TRIO: variants seen among roughly 807,000 people sequenced by gnomAD.
The protein encoded by TRIO is trio Rho guanine nucleotide exchange factor.
TRIO carries 58 observed loss-of-function variants against 351.9 expected under a neutral mutation model. The ratio of observed to expected loss-of-function variants is 0.16; its 90% CI spans 0.13 to 0.21. TRIO has a LOEUF of 0.21. Among genes scored for constraint, TRIO ranks in the 10% least tolerant of loss-of-function variants. The probability of loss-of-function intolerance (pLI) is 1.00; values close to 1 mark genes in which losing one functional copy is unlikely to be tolerated. For synonymous variants in TRIO, 1,758 were observed against 1,595.7 expected, an observed-to-expected ratio of 1.10 and a Z score of -2.42; for missense variants, 3,201 against 4,027.8, an observed-to-expected ratio of 0.79 and a Z score of 5.56.
chr5:14,198,532 AC>A (rs1248040724), intron 1 of TRIO, among the ~76,000 whole-genome samples: 3 of 152,210 alleles, frequency 2.0e-5, no homozygotes, highest in South Asian at 2.1e-4. Context: ...CAACAAGAAA[AC>A]CTTAATATGG....
intron 34 of TRIO, among the ~76,000 whole-genome samples, chr5:14,430,085 G>A (rs1365163647): frequency 2.0e-5 from 3 of 152,014 alleles, no homozygotes; most frequent in Non-Finnish European, 4.4e-5. Flanking sequence ...CCATGTGCAG[G>A]TGTGTCTGGA....
At chr5:14,455,572 T>G (rs1214983960) in intron 34 of TRIO, among the ~76,000 whole-genome samples, 1 of 148,654 alleles carries the variant, frequency 6.7e-6, no homozygotes, top group African/African-American at 2.6e-5. Context: ...CCCACTAGAT[T>G]AGCTAGACAC....
intron 32 of TRIO, 50 bp downstream of exon 32, chr5:14,406,040 G>C: frequency 1.9e-6 from 3 of 1,595,408 alleles, no homozygotes; most frequent in Non-Finnish European, 2.6e-6. Context: ...AGGGAGGGGC[G>C]AGGCGGTGTT....
intron 33 of TRIO, among the ~76,000 whole-genome samples, chr5:14,418,992 A>G (rs1007768889): frequency 1.3e-5 from 2 of 152,134 alleles, no homozygotes; most frequent in African/African-American, 2.4e-5. Flanking sequence ...TAGAGAGTTT[A>G]TGGATGAGCT....
At chr5:14,301,867 C>A (rs1424304214) in intron 7 of TRIO, among the ~76,000 whole-genome samples, 2 of 152,108 alleles carry the variant, frequency 1.3e-5, no homozygotes, top group Non-Finnish European at 2.9e-5. Flanking sequence ...TCTGTGGAGT[C>A]TAGGGTTGTG....
At chr5:14,260,788 G>T (rs1795298887) in intron 1 of TRIO, among the ~76,000 whole-genome samples, 2 of 152,196 alleles carry the variant, frequency 1.3e-5, no homozygotes, top group South Asian at 4.1e-4. Context: ...TTTTAAATGT[G>T]TAATTTAGTA....
chr5:14,439,412 T>C (rs1751849386), intron 34 of TRIO, among the ~76,000 whole-genome samples: 1 of 152,244 alleles, frequency 6.6e-6, no homozygotes, highest in Non-Finnish European at 1.5e-5. Context: ...CTCTTTTCTT[T>C]CATAGAGAAC....
chr5:14,220,469 A>T (rs976216244), intron 1 of TRIO, among the ~76,000 whole-genome samples: 1 of 152,262 alleles, frequency 6.6e-6, no homozygotes, highest in African/African-American at 2.4e-5. Flanking sequence ...CACATCTCTC[A>T]TGTTAAATCA....
At chr5:14,351,257 G>A (rs999073174) in intron 11 of TRIO, among the ~76,000 whole-genome samples, 20 of 152,316 alleles carry the variant, frequency 1.3e-4, no homozygotes, top group African/African-American at 2.6e-4. Flanking sequence ...AGTACAGTTC[G>A]TCATTTCAGA....
Position 14,487,834 on chromosome 5 carries a change from C to G in TRIO, c.7206C>G (p.Ser2402=). The G allele has an allele frequency of 6.6e-7, 1 of 1,513,382 alleles. No individual in the cohort carries two copies. Among genetic ancestry groups the G allele is most frequent in the Non-Finnish European group, 8.8e-7 (1 of 1,130,264 alleles). The allele number at this position is 1,513,382 out of a possible 1,614,324, so 93.7% of individuals were successfully genotyped here. A position where few individuals can be genotyped will look rare whatever the true frequency, so the allele number is the denominator to read the frequency against. The change falls in exon 48 of 57, where the codon TCC becomes TCG. Residue 2402 remains serine, a synonymous_variant. Coordinates refer to ENST00000344204, the MANE Select transcript of TRIO (RefSeq NM_007118.4). ...RRPPGADAEG[S]EREAEPIPKM... is the part of the protein sequence containing the mutation. ...CCCCCGGCGCGGACGCCGAGGGGTC[C>G]GAGCGAGAAGCGGAGCCGATCCCCA...
intron 28 of TRIO, 43 bp from the exon 29 acceptor site, chr5:14,397,000 C>A: frequency 6.6e-7 from 1 of 1,525,808 alleles, no homozygotes; most frequent in Non-Finnish European, 8.9e-7. Flanking sequence ...ATTGGCAGAG[C>A]ATTCTGCAGT....
intron 9 of TRIO, among the ~76,000 whole-genome samples, chr5:14,330,016 T>C (rs1457816913): frequency 6.6e-6 from 1 of 152,238 alleles, no homozygotes; most frequent in African/African-American, 2.4e-5. Flanking sequence ...AGTGGACCTG[T>C]GTATTTCAAA....
chr5:14,264,547 T>C (rs1028108546), intron 1 of TRIO, among the ~76,000 whole-genome samples: 1 of 152,154 alleles, frequency 6.6e-6, no homozygotes, highest in South Asian at 2.1e-4. Flanking sequence ...ATAAGCATTG[T>C]ATTATGTTTT....
At chr5:14,386,852 AT>A (rs1332239697) in intron 21 of TRIO, among the ~76,000 whole-genome samples, 16 of 152,352 alleles carry the variant, frequency 1.1e-4, no homozygotes, top group African/African-American at 3.6e-4. Flanking sequence ...TATATAGATG[AT>A]TTCCTGACTA....
chr5:14,334,099 C>T (rs1741172291), intron 10 of TRIO, among the ~76,000 whole-genome samples: 1 of 152,256 alleles, frequency 6.6e-6, no homozygotes, highest in African/African-American at 2.4e-5. Flanking sequence ...TACTGCACCC[C>T]TCTGTGCCTC....
At chr5:14,506,910 A>G (rs1757728325) in intron 55 of TRIO, among the ~76,000 whole-genome samples, 1 of 152,158 alleles carries the variant, frequency 6.6e-6, no homozygotes, top group South Asian at 2.1e-4. Flanking sequence ...CTTCCCTCTT[A>G]AGATGGAGAC....
chr5:14,408,733 G>A (rs1666678179), intron 33 of TRIO, among the ~76,000 whole-genome samples: 1 of 152,104 alleles, frequency 6.6e-6, no homozygotes, highest in Non-Finnish European at 1.5e-5. Flanking sequence ...TCAAGTGTGT[G>A]GGAAAGTGGC....
chr5:14,459,790 C>G (rs2126487777), intron 34 of TRIO, among the ~76,000 whole-genome samples: 1 of 152,248 alleles, frequency 6.6e-6, no homozygotes, highest in South Asian at 2.1e-4. Context: ...CTTGAAATGT[C>G]ATCCACTCCA....
chr5:14,230,340 T>TGTG lies in TRIO; in HGVS notation c.158-40485_158-40484insGTG, dbSNP rs1793327649. Among the ~76,000 whole-genome samples the TGTG allele has an allele frequency of 3.8e-3, 561 of 149,122 alleles. 4 individuals carry two copies. The highest frequency in any genetic ancestry group is 0.013 in the African/African-American group (528 of 39,892). ...GAAATTGGAAAGTCAGGCAAGATGT[T>TGTG]TGTGTGTGTGTGTGTGTGTGTGTGT... is the stretch of plus-strand genomic sequence containing the variant. On this transcript the variant is annotated intron_variant, in intron 1 of 56. Transcript: ENST00000344204.
Sources: allele counts gnomAD v4.1 joint callset (sites outside exome capture counted in the v4.1 genomes callset), GRCh38; gene constraint gnomAD v4.1.1; transcripts MANE v1.5; gene names NCBI Gene and HGNC (gene_info 2026-07-23, HGNC 2026-07-21).